The following CCDC178 variants were observed in gnomAD, a reference collection of about 807,000 sequenced individuals.
The protein encoded by CCDC178 is coiled-coil domain containing 178, also known as coiled-coil domain-containing protein 178.
Under a neutral mutation model 117.4 loss-of-function variants are expected in CCDC178, and 126 were observed. The ratio of observed to expected loss-of-function variants is 1.07; its 90% CI spans 0.93 to 1.24. The LOEUF (loss-of-function observed/expected upper bound fraction) is 1.24, where lower values mean the gene tolerates loss of function less well. Among genes scored for constraint, CCDC178 ranks in the 50% most tolerant of loss-of-function variants. The pLI is 0.00. For synonymous variants in CCDC178, 283 were observed against 313.4 expected (o/e 0.90, Z 1.02); for missense variants, 1,030 against 986.9 (o/e 1.04, Z -0.59).
chr18:33,038,778 C>T (rs983029912), intron 21 of CCDC178, among the ~76,000 whole-genome samples: 1 of 151,962 alleles, frequency 6.6e-6, no homozygotes, highest in Admixed American at 6.6e-5. Flanking sequence ...CTTAAGACAA[C>T]TTAAATGTAG....
chr18:33,130,950 A>T (rs2058063866), intron 20 of CCDC178, among the ~76,000 whole-genome samples: 1 of 151,912 alleles, frequency 6.6e-6, no homozygotes, highest in African/African-American at 2.4e-5. Flanking sequence ...TTTATTTAAC[A>T]TTGATTTAGC....
At position 33,069,472 on chromosome 18, in the gene CCDC178, T is replaced by C. The variant is rs112618821; in HGVS notation, c.2388+23289A>G. 4.1e-3 allele frequency among the ~76,000 whole-genome samples: 623 copies of C among 152,222 alleles called. 1 individual carries two copies. The highest frequency in any genetic ancestry group is 6.5e-3 in the Non-Finnish European group (444 of 67,950). ...ATAGTGCTGGGAAACTAGACTTCTA[T>C]AGGCAGAAGAATTAAACTATATTTC... On this transcript the variant is annotated intron_variant, in intron 21 of 22. Coordinates refer to ENST00000383096, the MANE Select transcript of CCDC178 (RefSeq NM_001105528.4).
At chr18:33,124,434 T>C (rs2057977518) in intron 20 of CCDC178, among the ~76,000 whole-genome samples, 2 of 152,182 alleles carry the variant, frequency 1.3e-5, no homozygotes, top group South Asian at 2.1e-4. Flanking sequence ...AGTTCTTTAC[T>C]TGTTATTTCA....
chr18:32,973,526 A>T (rs569750766), intron 22 of CCDC178, among the ~76,000 whole-genome samples: 16 of 152,082 alleles, frequency 1.1e-4, no homozygotes, highest in Admixed American at 3.3e-4. Context: ...ATTATTTTAA[A>T]TTTTTTCTTA....
intron 2 of CCDC178, among the ~76,000 whole-genome samples, chr18:33,417,181 C>A (rs2063954038): frequency 6.6e-6 from 1 of 152,120 alleles, no homozygotes; most frequent in East Asian, 1.9e-4. Flanking sequence ...CCAAAACCTG[C>A]ACGCTACCTA....
Position 33,019,644 on chromosome 18 carries a change from A to G in CCDC178, c.2389-44963T>C, listed in dbSNP as rs543347844. 1.6e-4 allele frequency among the ~76,000 whole-genome samples: 25 copies of G among 152,228 alleles called. No individual in the cohort carries two copies. In the South Asian group the frequency reaches 5.0e-3, roughly 30 times the overall value. ...CTGTGAAAGGTGCCTTACTTATATA[A>G]TGTAAGCATCTTAAAAACTCTATGG... On this transcript the variant is annotated intron_variant, in intron 21 of 22. Coordinates refer to ENST00000383096, the MANE Select transcript of CCDC178 (RefSeq NM_001105528.4).
intron 10 of CCDC178, among the ~76,000 whole-genome samples, chr18:33,325,997 G>C (rs1042479657): frequency 6.6e-6 from 1 of 152,152 alleles, no homozygotes; most frequent in African/African-American, 2.4e-5. Context: ...TTACTCCCTA[G>C]TCTCCCCTTC....
chr18:33,088,804 T>C (rs2057420557), intron 21 of CCDC178, among the ~76,000 whole-genome samples: 1 of 152,096 alleles, frequency 6.6e-6, no homozygotes, highest in Non-Finnish European at 1.5e-5. Flanking sequence ...ACCACAAAAA[T>C]CATAGCATAT....
chr18:33,096,366 T>A (rs1053001924), intron 20 of CCDC178, among the ~76,000 whole-genome samples: 37 of 134,088 alleles, frequency 2.8e-4, no homozygotes, highest in Middle Eastern at 3.8e-3. Flanking sequence ...AAATATAAAA[T>A]TTTTATATTT....
intron 20 of CCDC178, among the ~76,000 whole-genome samples, chr18:33,182,286 A>G (rs995420796): frequency 6.6e-6 from 1 of 151,926 alleles, no homozygotes; most frequent in Non-Finnish European, 1.5e-5. Context: ...CTTTAAATCC[A>G]AGCTGAATAA....
At chr18:33,323,021 C>A in intron 11 of CCDC178, 1 of 151,316 alleles carries the variant, frequency 6.6e-6, no homozygotes, top group Non-Finnish European at 1.5e-5. Context: ...AAGAAAAAAA[C>A]TCTCAATAAA....
chr18:32,982,212 C>T (rs4074760), intron 21 of CCDC178, among the ~76,000 whole-genome samples: 122,569 of 151,956 alleles, frequency 0.81, 55,037 homozygotes, highest in Non-Finnish European at 0.99. Flanking sequence ...CTGGCTTTTG[C>T]AATTTAAGAA....
At chr18:33,351,148 A>ATATGTGTGTG (rs1555690740) in intron 7 of CCDC178, among the ~76,000 whole-genome samples, 13 of 138,172 alleles carry the variant, frequency 9.4e-5, no homozygotes, top group African/African-American at 3.3e-4. Context: ...ACTGATCATG[A>ATATGTGTGTG]TGTGTGTGTG....
intron 21 of CCDC178, among the ~76,000 whole-genome samples, chr18:33,046,215 T>G (rs1193948526): frequency 6.6e-6 from 1 of 152,328 alleles, no homozygotes; most frequent in Non-Finnish European, 1.5e-5. Context: ...GAGTGACCTG[T>G]TTTTATATTC....
chr18:33,172,146 C>T (rs942039387), intron 20 of CCDC178, among the ~76,000 whole-genome samples: 1 of 152,120 alleles, frequency 6.6e-6, no homozygotes, highest in African/African-American at 2.4e-5. Context: ...CCACCTGCCT[C>T]GGCCTCCCAA....
chr18:33,413,347 AAGAGCATAACTAAATGTTG>A (rs1568211049), intron 2 of CCDC178, among the ~76,000 whole-genome samples: 1 of 152,176 alleles, frequency 6.6e-6, no homozygotes, highest in Non-Finnish European at 1.5e-5. Context: ...AGCTATAGAA[AAGAGCATAACTAAATGTTG>A]AGAGAACATA....
chr18:33,350,783 T>C (rs1206859918), intron 7 of CCDC178, among the ~76,000 whole-genome samples: 1 of 152,174 alleles, frequency 6.6e-6, no homozygotes, highest in African/African-American at 2.4e-5. Context: ...TTTGGGTATA[T>C]ATCTTGCAGT....
chr18:33,234,241 T>G (rs2059400804), intron 15 of CCDC178, among the ~76,000 whole-genome samples: 1 of 151,790 alleles, frequency 6.6e-6, no homozygotes, highest in South Asian at 2.1e-4. Context: ...TGCTGTACCT[T>G]CACACTATTT....
At chr18:33,291,756 C>G (rs755679866) in intron 12 of CCDC178, among the ~76,000 whole-genome samples, 5 of 152,156 alleles carry the variant, frequency 3.3e-5, no homozygotes, top group Middle Eastern at 3.4e-3. Flanking sequence ...AGAGAACAAA[C>G]AGCCAGGGAA....
Sources: gnomAD v4.1 joint callset for allele counts (sites outside exome capture counted in the v4.1 genomes callset) on GRCh38, gnomAD v4.1.1 for gene constraint, MANE v1.5 for transcripts, NCBI Gene and HGNC (gene_info 2026-07-23, HGNC 2026-07-21) for gene names.